Variants in NDUFA5 observed in about 807,000 individuals in gnomAD.
NDUFA5 encodes NADH dehydrogenase [ubiquinone] 1 alpha subcomplex subunit 5.
A neutral mutation model predicts 19.8 loss-of-function variants in NDUFA5; 11 were observed. The observed-to-expected ratio is 0.56, with a 90% CI of 0.35 to 0.92. The LOEUF (loss-of-function observed/expected upper bound fraction) is 0.92, where lower values mean the gene tolerates loss of function less well. Among genes scored for constraint, NDUFA5 ranks in the 40% least tolerant of loss-of-function variants. NDUFA5 has a pLI of 0.01. For synonymous variants in NDUFA5, 47 were observed against 46.8 expected (o/e 1.00, Z -0.01); for missense variants, 109 against 134.2 (o/e 0.81, Z 0.93).
chr7:123,561,868 T>C (rs1300785639), upstream of NDUFA5, among the ~76,000 whole-genome samples: 3 of 151,900 alleles, frequency 2.0e-5, no homozygotes, highest in African/African-American at 7.3e-5. Context: ...AGTGCTAGGA[T>C]TACAAGCGTG....
the NDUFA5 span, chr7:123,567,214 C>T: frequency 6.6e-6 from 1 of 152,114 alleles, no homozygotes; most frequent in African/African-American, 2.4e-5. Flanking sequence ...GAACATCATC[C>T]TTGGCATCAG....
the NDUFA5 span, among the ~76,000 whole-genome samples, chr7:123,570,920 C>A: frequency 3.9e-5 from 6 of 152,174 alleles, no homozygotes; most frequent in Non-Finnish European, 5.9e-5. Context: ...AACTTACCAG[C>A]TGTACGGCCT....
chr7:123,582,385 C>T, the NDUFA5 span, among the ~76,000 whole-genome samples: 1 of 151,818 alleles, frequency 6.6e-6, no homozygotes, highest in African/African-American at 2.4e-5. Flanking sequence ...CCTAGTGCAC[C>T]CCAAAGAGAA....
chr7:123,592,867 C>T, the NDUFA5 span, among the ~76,000 whole-genome samples: 201 of 151,840 alleles, frequency 1.3e-3, no homozygotes, highest in Non-Finnish European at 2.3e-3. Context: ...ATTGACAGTG[C>T]GGTATTAAAG....
the NDUFA5 span, among the ~76,000 whole-genome samples, chr7:123,598,070 T>A: frequency 6.6e-6 from 1 of 151,908 alleles, no homozygotes; most frequent in Admixed American, 6.6e-5. Context: ...GTCCCACCCA[T>A]CATGACACTC....
chr7:123,557,801 C>G lies in NDUFA5; in HGVS notation c.-6G>C. The G allele has an allele frequency of 6.2e-7, 1 of 1,614,080 alleles. No individual in the cohort carries two copies. Among genetic ancestry groups the G allele is most frequent in the South Asian group, 1.1e-5 (1 of 91,076 alleles). ...TTCTTCAGCACACCCGCCATGACAG[C>G]GCCAACGACTCGGTGACGCACAACC... On this transcript the variant is annotated 5_prime_UTR_variant, in exon 1 of 5. Coordinates refer to ENST00000355749, the MANE Select transcript of NDUFA5 (RefSeq NM_005000.5).
the NDUFA5 span, among the ~76,000 whole-genome samples, chr7:123,566,734 T>A: frequency 6.6e-6 from 1 of 152,334 alleles, no homozygotes; most frequent in South Asian, 2.1e-4. Flanking sequence ...ATTAATCACC[T>A]ATATATCCAT....
intron 3 of NDUFA5, among the ~76,000 whole-genome samples, chr7:123,548,909 T>C (rs752105006): frequency 1.3e-5 from 2 of 152,162 alleles, no homozygotes; most frequent in Non-Finnish European, 2.9e-5. Flanking sequence ...TAAGAATGGA[T>C]TCAACCAACC....
At chr7:123,544,970 A>T (rs1483686919) in intron 4 of NDUFA5, among the ~76,000 whole-genome samples, 2 of 152,002 alleles carry the variant, frequency 1.3e-5, no homozygotes, top group South Asian at 2.1e-4. Context: ...TCTCTTGTAT[A>T]AGCAGCAGGT....
the NDUFA5 span, among the ~76,000 whole-genome samples, chr7:123,587,527 C>T: frequency 6.6e-6 from 1 of 151,252 alleles, no homozygotes; most frequent in Admixed American, 6.6e-5. Flanking sequence ...TATTTGGATG[C>T]CTTTTATTTC....
chr7:123,582,484 T>C, the NDUFA5 span, among the ~76,000 whole-genome samples: 1 of 151,990 alleles, frequency 6.6e-6, no homozygotes, highest in Non-Finnish European at 1.5e-5. Context: ...TATATACATA[T>C]ATCCTACATA....
At position 123,537,138 on chromosome 7, in the gene NDUFA5, GATTT is replaced by G. The variant is rs1207899683; in HGVS notation, c.*4977_*4980del. ...ATGATAAATCTATGCATTTTCTCAGGATTTATTCCACCAAACGACTTCGTATTTC... is the reference window on the plus strand; with the variant it reads ...ATGATAAATCTATGCATTTTCTCAGGATTCCACCAAACGACTTCGTATTTC... On this transcript the variant is annotated 3_prime_UTR_variant, in exon 5 of 5. Transcript: ENST00000355749. 6.6e-6 allele frequency: 1 copy of G among 151,972 alleles called. No individual in the cohort carries two copies. The highest frequency in any genetic ancestry group is 6.6e-5 in the Admixed American group (1 of 15,252). 9.4% of individuals were successfully genotyped at this position (151,972 alleles called of 1,614,324 possible). A position where few individuals can be genotyped will look rare whatever the true frequency, so the allele number is the denominator to read the frequency against.
At chr7:123,559,729 G>T (rs140770224), upstream of NDUFA5, among the ~76,000 whole-genome samples, 5 of 151,952 alleles carry the variant, frequency 3.3e-5, no homozygotes, top group East Asian at 9.7e-4. Flanking sequence ...TGTGGTGTGT[G>T]CCTGTAATCT....
Position 123,540,228 on chromosome 7 carries a change from A to C in NDUFA5, c.*1891T>G, listed in dbSNP as rs1384867696. The C allele has an allele frequency of 6.6e-6, 1 of 152,202 alleles. No homozygotes were observed. Among genetic ancestry groups the C allele is most frequent in the Non-Finnish European group, 1.5e-5 (1 of 68,034 alleles). 9.4% of individuals were successfully genotyped at this position (152,202 alleles called of 1,614,324 possible). ...GTACTTATGATAGTGCCTGACATTCATATTAAAGTCTCAACAAACATTAGC... is the reference window on the plus strand; with the variant it reads ...GTACTTATGATAGTGCCTGACATTCCTATTAAAGTCTCAACAAACATTAGC... On this transcript the variant is annotated 3_prime_UTR_variant, in exon 5 of 5. Coordinates refer to ENST00000355749, the MANE Select transcript of NDUFA5 (RefSeq NM_005000.5).
At chr7:123,557,150 A>C in intron 2 of NDUFA5, 1 of 674,572 alleles carries the variant, frequency 1.5e-6, no homozygotes, top group Middle Eastern at 2.4e-4. Context: ...AAGCAAGCAC[A>C]AGTGAAGCCA....
the NDUFA5 span, among the ~76,000 whole-genome samples, chr7:123,569,495 G>A: frequency 6.6e-6 from 1 of 152,142 alleles, no homozygotes; most frequent in African/African-American, 2.4e-5. Context: ...GCTATTGCAT[G>A]CATTTTTAAT....
chr7:123,588,604 T>C, the NDUFA5 span, among the ~76,000 whole-genome samples: 2 of 151,234 alleles, frequency 1.3e-5, no homozygotes, highest in East Asian at 3.9e-4. Flanking sequence ...TCTGTCTTTT[T>C]TCTACTAACT....
At chr7:123,574,885 T>C in the NDUFA5 span, among the ~76,000 whole-genome samples, 5 of 152,082 alleles carry the variant, frequency 3.3e-5, no homozygotes, top group African/African-American at 1.2e-4. Flanking sequence ...TTGAAGACTT[T>C]ACTGGATCTA....
At chr7:123,543,235 C>T (rs922551805) in intron 4 of NDUFA5, among the ~76,000 whole-genome samples, 7 of 152,136 alleles carry the variant, frequency 4.6e-5, no homozygotes, top group African/African-American at 1.7e-4. Context: ...CTGGGTCTCA[C>T]GAACATCCAA....
Sources: gnomAD v4.1 joint callset for allele counts (sites outside exome capture counted in the v4.1 genomes callset) on GRCh38, gnomAD v4.1.1 for gene constraint, MANE v1.5 for transcripts, NCBI Gene and HGNC (gene_info 2026-07-23, HGNC 2026-07-21) for gene names.